RYR3: variants seen among roughly 807,000 people sequenced by gnomAD.
RYR3 encodes ryanodine receptor 3.
In RYR3, 207 loss-of-function variants were observed where a neutral mutation model predicts 584.3. The ratio of observed to expected loss-of-function variants is 0.35; its 90% CI spans 0.32 to 0.40. RYR3 has a LOEUF of 0.40. Ranked by LOEUF, RYR3 falls within the 10% of genes least tolerant of loss-of-function variation. The probability of loss-of-function intolerance (pLI) is 1.00; values close to 1 mark genes in which losing one functional copy is unlikely to be tolerated. For synonymous variants in RYR3, 2,416 were observed against 2,248.5 expected, an observed-to-expected ratio of 1.07 and a Z score of -2.11; for missense variants, 5,616 against 6,089.2, an observed-to-expected ratio of 0.92 and a Z score of 2.59.
At chr15:33,506,232 T>G (rs1017806818) in intron 3 of RYR3, among the ~76,000 whole-genome samples, 2 of 152,206 alleles carry the variant, frequency 1.3e-5, no homozygotes, top group Non-Finnish European at 2.9e-5. Context: ...TTAGAATATA[T>G]GAATAAGACC....
At chr15:33,450,641 C>T (rs895688300) in intron 1 of RYR3, among the ~76,000 whole-genome samples, 2 of 151,034 alleles carry the variant, frequency 1.3e-5, no homozygotes, top group East Asian at 1.9e-4. Flanking sequence ...TTATGGGCTA[C>T]GTATGTATCT....
intron 1 of RYR3, among the ~76,000 whole-genome samples, chr15:33,385,968 T>A (rs2041574352): frequency 6.6e-6 from 1 of 152,144 alleles, no homozygotes; most frequent in Admixed American, 6.5e-5. Flanking sequence ...GCCTCCTGTC[T>A]TGACTGGGAT....
At chr15:33,549,302 T>TC (rs1253295011) in intron 9 of RYR3, among the ~76,000 whole-genome samples, 1 of 152,208 alleles carries the variant, frequency 6.6e-6, no homozygotes, top group Non-Finnish European at 1.5e-5. Flanking sequence ...CTTGCTCATT[T>TC]CCCCAGAGAC....
intron 1 of RYR3, chr15:33,465,687 G>A: frequency 1.9e-6 from 1 of 518,936 alleles, no homozygotes; most frequent in South Asian, 1.4e-5. Flanking sequence ...GGACAGCAGT[G>A]AGAAACAAGT....
chr15:33,593,042 A>T (rs959490744), intron 16 of RYR3, among the ~76,000 whole-genome samples: 2 of 152,208 alleles, frequency 1.3e-5, no homozygotes, highest in African/African-American at 4.8e-5. Context: ...GCTGAGAGGG[A>T]GCTTCCAGGT....
At chr15:33,653,375 A>C (rs1312756875) in intron 32 of RYR3, among the ~76,000 whole-genome samples, 1 of 152,212 alleles carries the variant, frequency 6.6e-6, no homozygotes, top group East Asian at 1.9e-4. Flanking sequence ...AAGATGCTTT[A>C]AAAATACATT....
At chr15:33,791,480 T>C (rs556173926) in intron 67 of RYR3, among the ~76,000 whole-genome samples, 2 of 151,992 alleles carry the variant, frequency 1.3e-5, no homozygotes, top group Non-Finnish European at 2.9e-5. Context: ...AGATCATCAG[T>C]TGGGAATGAA....
At chr15:33,694,194 C>G (rs935309615) in intron 38 of RYR3, among the ~76,000 whole-genome samples, 1 of 150,048 alleles carries the variant, frequency 6.7e-6, no homozygotes, top group Admixed American at 6.8e-5. Context: ...TTCTTTTGTG[C>G]TCTCATTTAC....
intron 3 of RYR3, among the ~76,000 whole-genome samples, chr15:33,509,722 T>C (rs1004325798): frequency 2.0e-5 from 3 of 152,148 alleles, no homozygotes; most frequent in African/African-American, 7.2e-5. Flanking sequence ...TGCTAGGTGT[T>C]AAAAGCCTGA....
chr15:33,345,328 T>A (rs773301757), intron 1 of RYR3, among the ~76,000 whole-genome samples: 1 of 152,112 alleles, frequency 6.6e-6, no homozygotes, highest in Non-Finnish European at 1.5e-5. Context: ...AGCAGCTATT[T>A]TATAATTTTC....
intron 16 of RYR3, among the ~76,000 whole-genome samples, chr15:33,595,110 A>C (rs2059306626): frequency 6.6e-6 from 1 of 152,218 alleles, no homozygotes; most frequent in Admixed American, 6.5e-5. Context: ...GATTTTGGAA[A>C]GTTTGTCAAA....
At chr15:33,810,213 G>T (rs576675286) in intron 70 of RYR3, among the ~76,000 whole-genome samples, 1 of 152,358 alleles carries the variant, frequency 6.6e-6, no homozygotes, top group South Asian at 2.1e-4. Context: ...GTCCGGAACT[G>T]AGTGAGCAAT....
intron 5 of RYR3, among the ~76,000 whole-genome samples, chr15:33,537,116 G>T (rs1174721128): frequency 6.6e-6 from 1 of 152,108 alleles, no homozygotes; most frequent in Non-Finnish European, 1.5e-5. Flanking sequence ...GTAATTTATT[G>T]TATTACTTTA....
At chr15:33,593,464 A>G (rs2059231643) in intron 16 of RYR3, among the ~76,000 whole-genome samples, 1 of 152,204 alleles carries the variant, frequency 6.6e-6, no homozygotes, top group African/African-American at 2.4e-5. Context: ...AATGAACAAA[A>G]GAACAATCCT....
chr15:33,323,149 T>C (rs531570722), intron 1 of RYR3, among the ~76,000 whole-genome samples: 1 of 152,182 alleles, frequency 6.6e-6, no homozygotes, highest in Non-Finnish European at 1.5e-5. Context: ...TCTCACTCTG[T>C]CTCCCAGGCT....
chr15:33,827,130 G>A (rs1160779846), intron 84 of RYR3, 69 bp from the exon 85 acceptor site: 1 of 1,273,012 alleles, frequency 7.9e-7, no homozygotes, highest in East Asian at 2.5e-5. Context: ...TCTGAGCTCA[G>A]CTGAGAGGGC....
At position 33,562,748 on chromosome 15, in the gene RYR3, C is replaced by T. The variant is rs2057476981; in HGVS notation, c.973-89C>T. ...TTTTGGTAACCAGTTGCCTGGCTTA[C>T]AGGTTCTTCATAGGTGATTCGTTTT... On this transcript the variant is annotated intron_variant, in intron 10 of 103. Coordinates refer to ENST00000634891, the MANE Select transcript of RYR3 (RefSeq NM_001036.6). 4.3e-6 allele frequency: 4 copies of T among 921,232 alleles called. No homozygotes were observed. The South Asian group carries it at 6.4e-5, about 15-fold the overall frequency. 57.1% of individuals were successfully genotyped at this position (921,232 alleles called of 1,614,324 possible).
At chr15:33,798,770 G>A (rs1018324226) in intron 67 of RYR3, among the ~76,000 whole-genome samples, 2 of 152,194 alleles carry the variant, frequency 1.3e-5, no homozygotes, top group Non-Finnish European at 2.9e-5. Context: ...ATGAAGGAGA[G>A]GCTGCTTGAA....
At chr15:33,415,815 G>A (rs1029957531) in intron 1 of RYR3, among the ~76,000 whole-genome samples, 2 of 152,144 alleles carry the variant, frequency 1.3e-5, no homozygotes, top group African/African-American at 4.8e-5. Flanking sequence ...CCCACATAGT[G>A]AACATAGTGC....
Sources: allele counts gnomAD v4.1 joint callset (sites outside exome capture counted in the v4.1 genomes callset), GRCh38; gene constraint gnomAD v4.1.1; transcripts MANE v1.5; gene names NCBI Gene and HGNC (gene_info 2026-07-23, HGNC 2026-07-21).